The following GSE1 variants were observed in gnomAD, a reference collection of about 807,000 sequenced individuals.
GSE1 encodes the protein Gse1 coiled-coil protein.
A neutral mutation model predicts 112.6 loss-of-function variants in GSE1; 32 were observed. The observed-to-expected ratio is 0.28, with a 90% CI of 0.21 to 0.38. The LOEUF (loss-of-function observed/expected upper bound fraction) is 0.38. GSE1 is among the 10% of genes least tolerant of loss of function. The pLI, the probability that GSE1 is intolerant of heterozygous loss-of-function variation, is 1.00. For missense variants in GSE1, 2,348 were observed against 1,699.2 expected (o/e 1.38, Z -6.71); for synonymous variants, 1,115 against 735.6 (o/e 1.52, Z -8.35).
rs903524222 is a variant in GSE1, at chr16:85,339,095, A to G, written c.2284-18368A>G. ...CCCCAACCCTGCTCTCTTCCCCTGAACCTTTGCTGTCACCTGGAAGGGAGG... is the reference window on the plus strand; with the variant it reads ...CCCCAACCCTGCTCTCTTCCCCTGAGCCTTTGCTGTCACCTGGAAGGGAGG... On this transcript the variant is annotated intron_variant, in intron 1 of 2. Coordinates refer to the GSE1 transcript ENST00000637419. 3.3e-5 allele frequency among the ~76,000 whole-genome samples: 5 copies of G among 152,082 alleles called. No individual in the cohort carries two copies. The South Asian group carries it at 8.3e-4, about 25-fold the overall frequency.
At chr16:85,469,416 G>T (rs1478672993) in intron 2 of GSE1, among the ~76,000 whole-genome samples, 1 of 152,228 alleles carries the variant, frequency 6.6e-6, no homozygotes, top group African/African-American at 2.4e-5. Context: ...GATGCTGGAA[G>T]GGGCAGGAAG....
chr16:85,518,917 C>T (rs986507488), intron 2 of GSE1, among the ~76,000 whole-genome samples: 1 of 152,192 alleles, frequency 6.6e-6, no homozygotes, highest in African/African-American at 2.4e-5. Flanking sequence ...TTGTCCTCCG[C>T]TGGCTCGTGT....
rs1196128115 is a variant in GSE1, at chr16:85,496,907, T to TTG, written c.2465-137006_2465-137005insGT. Among the ~76,000 whole-genome samples, 698 of 151,058 alleles carry TTG rather than the reference T, an allele frequency of 4.6e-3. 9 individuals are homozygous for TTG. Among genetic ancestry groups the TTG allele is most frequent in the Admixed American group, 0.032 (492 of 15,216 alleles). ...CTTTTGGTCTGGGTCTTTGTTGTTT[T>TTG]TTTTTTCTTGAAATGGAGTCTCACT... On this transcript the variant is annotated intron_variant, in intron 2 of 2. Coordinates refer to the GSE1 transcript ENST00000637419.
chr16:85,411,080 TC>T (rs369321868), intron 2 of GSE1, among the ~76,000 whole-genome samples: 677 of 14,842 alleles, frequency 0.046, no homozygotes, highest in East Asian at 0.094. Context: ...GCACTCAGGG[TC>T]CCCCGGATAA....
chr16:85,398,644 C>G (rs187521850), intron 2 of GSE1, among the ~76,000 whole-genome samples: 2 of 152,114 alleles, frequency 1.3e-5, no homozygotes, highest in Non-Finnish European at 2.9e-5. Context: ...TCAGTTTCCC[C>G]AGCTATAAAG....
intron 2 of GSE1, among the ~76,000 whole-genome samples, chr16:85,423,896 A>AGGCCCCATCCAGGATGTC (rs1463808833): frequency 3.9e-4 from 59 of 152,328 alleles, no homozygotes; most frequent in African/African-American, 1.4e-3. Context: ...AGACCCCCTG[A>AGGCCCCATCCAGGATGTC]GGCCCCATCC....
At chr16:85,353,643 C>T (rs756048419) in intron 1 of GSE1, among the ~76,000 whole-genome samples, 23 of 152,028 alleles carry the variant, frequency 1.5e-4, no homozygotes, top group African/African-American at 2.4e-4. Context: ...AGGCCAGCCT[C>T]GGCAACAAGC....
At chr16:85,422,487 A>G (rs2151742361) in intron 2 of GSE1, among the ~76,000 whole-genome samples, 1 of 152,096 alleles carries the variant, frequency 6.6e-6, no homozygotes, top group Non-Finnish European at 1.5e-5. Flanking sequence ...GGGGCTGAGC[A>G]AGGAAGGGAG....
At chr16:85,555,352 TGA>T (rs2045149505), upstream of GSE1, 1 of 983,004 alleles carries the variant, frequency 1.0e-6, no homozygotes. Context: ...CCCCTCTCTC[TGA>T]GTCAGTGGTG....
intron 2 of GSE1, among the ~76,000 whole-genome samples, chr16:85,642,248 C>T (rs981821028): frequency 1.3e-5 from 2 of 152,358 alleles, no homozygotes; most frequent in East Asian, 3.9e-4. Context: ...GAGGTTGAGG[C>T]TGCAGTGAGG....
intron 2 of GSE1, among the ~76,000 whole-genome samples, chr16:85,411,014 C>T (rs77264766): frequency 2.9e-5 from 2 of 68,862 alleles, no homozygotes; most frequent in Non-Finnish European, 5.2e-5. Context: ...ACACTCAGAG[C>T]CCCCCTGGAT....
In GSE1 at chr16:85,429,166, G is replaced by C. The variant is rs542883031; in HGVS notation, c.2464+71523G>C. Among the ~76,000 whole-genome samples, 60 of 152,342 alleles carry C rather than the reference G, an allele frequency of 3.9e-4. 1 individual carries two copies. In the South Asian group the frequency reaches 0.011, roughly 29 times the overall value. Reference sequence around the variant, plus strand: ...ACATACATGCAGAGGTGCAGGTGGGGAGACAGCCCAGGGCATGCACGCCTT... The same window carrying C: ...ACATACATGCAGAGGTGCAGGTGGGCAGACAGCCCAGGGCATGCACGCCTT... On this transcript the variant is annotated intron_variant, in intron 2 of 2. Coordinates refer to the GSE1 transcript ENST00000637419.
chr16:85,228,138 G>A (rs946132896), intron 1 of GSE1, among the ~76,000 whole-genome samples: 1 of 152,222 alleles, frequency 6.6e-6, no homozygotes, highest in African/African-American at 2.4e-5. Context: ...GCAGGAGTGA[G>A]CCTGGCTGCT....
At chr16:85,585,939 C>G (rs980192229) in intron 1 of GSE1, among the ~76,000 whole-genome samples, 2 of 152,168 alleles carry the variant, frequency 1.3e-5, no homozygotes, top group African/African-American at 4.8e-5. Context: ...TACTCAACCT[C>G]TCTGTGCCTC....
intron 1 of GSE1, among the ~76,000 whole-genome samples, chr16:85,187,269 G>C (rs1353233000): frequency 6.6e-6 from 1 of 152,226 alleles, no homozygotes; most frequent in Non-Finnish European, 1.5e-5. Flanking sequence ...GTGGAATGCA[G>C]CGTCAGCAGC....
intron 1 of GSE1, among the ~76,000 whole-genome samples, chr16:85,289,369 C>T (rs930277061): frequency 6.6e-6 from 1 of 152,186 alleles, no homozygotes; most frequent in Non-Finnish European, 1.5e-5. Context: ...TGTGGCCACC[C>T]GTGTCCAGCT....
chr16:85,610,938 CCCAGTGGCCACT>C (rs2047943671), upstream of GSE1, among the ~76,000 whole-genome samples: 1 of 152,242 alleles, frequency 6.6e-6, no homozygotes. Flanking sequence ...TGATGCACCT[CCCAGTGGCCACT>C]CCACACGTTT....
At position 85,519,649 on chromosome 16, in the gene GSE1, AC is replaced by A. The variant is rs1425377432; in HGVS notation, c.2465-114263del. Among the ~76,000 whole-genome samples the A allele has an allele frequency of 1.9e-3, 281 of 147,802 alleles. 2 individuals carry two copies. Among genetic ancestry groups the A allele is most frequent in the African/African-American group, 5.9e-3 (237 of 40,388 alleles). ...ACCATCACCAGTCTCCATCATCATC[AC>A]CTTCACCACCATCACCACAGTCTCC... On this transcript the variant is annotated intron_variant, in intron 2 of 2. Coordinates refer to the GSE1 transcript ENST00000637419.
At position 85,574,207 on chromosome 16, in the gene GSE1, G is replaced by T. The variant is rs144416796; in HGVS notation, c.37+17844G>T. On this transcript the variant is annotated intron_variant, in intron 1 of 2. Coordinates refer to the GSE1 transcript ENST00000635906. ...AGGAAGCCATTGAGGGCCGGCCGTG[G>T]AAGTTGTAAACTGGATAAATGACCC... 4.7e-3 allele frequency among the ~76,000 whole-genome samples: 722 copies of T among 152,342 alleles called. 5 individuals carry two copies. Among genetic ancestry groups the T allele is most frequent in the African/African-American group, 0.016 (686 of 41,578 alleles).
Sources: allele counts gnomAD v4.1 joint callset (sites outside exome capture counted in the v4.1 genomes callset), GRCh38; gene constraint gnomAD v4.1.1; transcripts MANE v1.5; gene names NCBI Gene and HGNC (gene_info 2026-07-23, HGNC 2026-07-21).